Variants in PHF21A observed in about 807,000 individuals in gnomAD.
The protein encoded by PHF21A is BHC80a.
A neutral mutation model predicts 82.5 loss-of-function variants in PHF21A; 11 were observed. The observed-to-expected ratio is 0.13, with a 90% CI of 0.08 to 0.22. PHF21A has a LOEUF of 0.22. Among genes scored for constraint, PHF21A ranks in the 10% least tolerant of loss-of-function variants. The probability of loss-of-function intolerance (pLI) is 1.00; values close to 1 mark genes in which losing one functional copy is unlikely to be tolerated. For missense variants in PHF21A, 579 were observed against 837.8 expected (o/e 0.69, Z 3.81); for synonymous variants, 297 against 302.8 (o/e 0.98, Z 0.20).
At chr11:46,011,553 T>C (rs17787346) in intron 6 of PHF21A, among the ~76,000 whole-genome samples, 9,521 of 152,270 alleles carry the variant, frequency 0.063, 393 homozygotes, top group South Asian at 0.099. Context: ...ATTTCTAAGA[T>C]ACTTTCTCGC....
intron 1 of PHF21A, among the ~76,000 whole-genome samples, chr11:46,103,184 C>T (rs1336444614): frequency 6.6e-6 from 1 of 152,174 alleles, no homozygotes; most frequent in Non-Finnish European, 1.5e-5. Flanking sequence ...AACTCAACCC[C>T]CAAACGCTTG....
intron 6 of PHF21A, among the ~76,000 whole-genome samples, chr11:46,073,279 G>A (rs1202164696): frequency 1.3e-5 from 2 of 150,330 alleles, no homozygotes; most frequent in Non-Finnish European, 2.9e-5. Context: ...AGTGAGCCAA[G>A]ACAGCGCCAC....
intron 6 of PHF21A, among the ~76,000 whole-genome samples, chr11:46,031,602 T>C (rs1173994777): frequency 1.3e-5 from 2 of 152,330 alleles, no homozygotes; most frequent in Admixed American, 6.5e-5. Context: ...TAAACATGCA[T>C]AATTAGGCAG....
intron 6 of PHF21A, among the ~76,000 whole-genome samples, chr11:46,055,285 T>A (rs956084156): frequency 1.3e-5 from 2 of 152,164 alleles, no homozygotes; most frequent in Non-Finnish European, 2.9e-5. Flanking sequence ...ATGGATTTCA[T>A]GAAAACAACT....
At chr11:46,117,362 T>G (rs1851627707) in intron 1 of PHF21A, 1 of 152,232 alleles carries the variant, frequency 6.6e-6, no homozygotes, top group African/African-American at 2.4e-5. Context: ...ATAAATGCTA[T>G]GAAACTGTTA....
chr11:46,070,046 T>C (rs1170559077), intron 6 of PHF21A, among the ~76,000 whole-genome samples: 1 of 152,168 alleles, frequency 6.6e-6, no homozygotes, highest in Non-Finnish European at 1.5e-5. Flanking sequence ...TATCAACAAG[T>C]CTATTACAGA....
chr11:46,045,773 GT>G (rs1247638950), intron 6 of PHF21A, among the ~76,000 whole-genome samples: 1 of 152,102 alleles, frequency 6.6e-6, no homozygotes, highest in Admixed American at 6.6e-5. Flanking sequence ...CCTTCTGTGA[GT>G]TTCTTAACCC....
chr11:46,115,677 T>A (rs2097280393), intron 1 of PHF21A, among the ~76,000 whole-genome samples: 1 of 152,056 alleles, frequency 6.6e-6, no homozygotes. Flanking sequence ...CAAAATAATA[T>A]GAAAATTCAA....
intron 10 of PHF21A, among the ~76,000 whole-genome samples, chr11:45,960,469 T>C (rs2093004193): frequency 6.6e-6 from 1 of 152,220 alleles, no homozygotes; most frequent in African/African-American, 2.4e-5. Context: ...ATTCTATGTA[T>C]ATGAAATATC....
At chr11:45,967,006 CT>C (rs2093477974) in intron 9 of PHF21A, among the ~76,000 whole-genome samples, 3 of 152,110 alleles carry the variant, frequency 2.0e-5, no homozygotes, top group Non-Finnish European at 2.9e-5. Context: ...TCAATTAACT[CT>C]TTAGCTCTGC....
intron 11 of PHF21A, among the ~76,000 whole-genome samples, chr11:45,951,829 C>T (rs906397596): frequency 9.5e-5 from 9 of 94,688 alleles, no homozygotes; most frequent in East Asian, 3.5e-4. Flanking sequence ...TTTTTTGAGG[C>T]GGAGTCTCAC....
Position 45,950,166 on chromosome 11 carries a change from G to A in PHF21A, c.1147+40C>T, listed in dbSNP as rs117054998. ...CATCATTTTCAGGAACAAAGCTGTG[G>A]GCCAGAAAAAAAGGCAGTGCCAAGA... is the stretch of plus-strand genomic sequence containing the variant. On this transcript the variant is annotated intron_variant, in intron 12 of 18. Coordinates refer to ENST00000676320, the MANE Select transcript of PHF21A (RefSeq NM_001352027.3). The A allele has an allele frequency of 3.6e-3, 5,278 of 1,460,166 alleles. 14 individuals carry two copies. The highest frequency in any genetic ancestry group is 4.6e-3 in the Non-Finnish European group (4,861 of 1,056,402). 90.5% of individuals were successfully genotyped at this position (1,460,166 alleles called of 1,614,324 possible).
intron 6 of PHF21A, among the ~76,000 whole-genome samples, chr11:46,053,044 G>A (rs1041857753): frequency 2.6e-5 from 4 of 152,176 alleles, no homozygotes; most frequent in East Asian, 3.8e-4. Context: ...TAAGGGCCTC[G>A]AGTAATGTGC....
intron 10 of PHF21A, among the ~76,000 whole-genome samples, chr11:45,954,062 T>A (rs2092418317): frequency 6.6e-6 from 1 of 152,158 alleles, no homozygotes; most frequent in African/African-American, 2.4e-5. Flanking sequence ...AATGGCATGA[T>A]CTCAGTTCAC....
chr11:45,984,068 A>G (rs1020550754), intron 6 of PHF21A, among the ~76,000 whole-genome samples: 1 of 152,184 alleles, frequency 6.6e-6, no homozygotes, highest in African/African-American at 2.4e-5. Context: ...ATATTGGAAC[A>G]TTATCCTGAA....
At chr11:45,962,564 A>G (rs901638771) in intron 10 of PHF21A, among the ~76,000 whole-genome samples, 1 of 152,146 alleles carries the variant, frequency 6.6e-6, no homozygotes. Context: ...AACTAAAATA[A>G]CAATGACTGA....
At position 46,105,841 on chromosome 11, in the gene PHF21A, G is replaced by C. The variant is rs147570145; in HGVS notation, c.-236-13618C>G. Among the ~76,000 whole-genome samples, 576 of 152,258 alleles carry C rather than the reference G, an allele frequency of 3.8e-3. 3 individuals are homozygous for C. The highest frequency in any genetic ancestry group is 0.013 in the African/African-American group (556 of 41,552). ...AAGGATGCAGAGAATTTTTGCTTCA[G>C]ATTCTGAATATCTTGATAGGTGTAT... On this transcript the variant is annotated intron_variant, in intron 1 of 18. Transcript: ENST00000676320.
chr11:45,987,999 G>C (rs2094554845), intron 6 of PHF21A, among the ~76,000 whole-genome samples: 1 of 152,182 alleles, frequency 6.6e-6, no homozygotes, highest in African/African-American at 2.4e-5. Context: ...AGCTGTCCCT[G>C]ACAAGTTGGA....
At chr11:46,106,439 A>G (rs1490762254) in intron 1 of PHF21A, among the ~76,000 whole-genome samples, 1 of 152,236 alleles carries the variant, frequency 6.6e-6, no homozygotes, top group Admixed American at 6.5e-5. Context: ...TCAAGTCCTG[A>G]TAAGTTAACG....
Sources: allele counts gnomAD v4.1 joint callset (sites outside exome capture counted in the v4.1 genomes callset), GRCh38; gene constraint gnomAD v4.1.1; transcripts MANE v1.5; gene names NCBI Gene and HGNC (gene_info 2026-07-23, HGNC 2026-07-21).